The following DACH2 variants were observed in gnomAD, a reference collection of about 807,000 sequenced individuals.
DACH2 encodes the protein dachshund family transcription factor 2.
A neutral mutation model predicts 35.8 loss-of-function variants in DACH2; 17 were observed. That is an observed-to-expected ratio of 0.48 (90% CI 0.33 to 0.71). The LOEUF is 0.71. DACH2 is among the 30% of genes least tolerant of loss of function. The probability of loss-of-function intolerance (pLI) is 0.02; values close to 1 mark genes in which losing one functional copy is unlikely to be tolerated. For missense variants in DACH2, 469 were observed against 472.7 expected (o/e 0.99, Z 0.07); for synonymous variants, 195 against 177.3 (o/e 1.10, Z -0.79).
At chrX:86,795,232 CTTT>C (rs35324617) in intron 7 of DACH2, among the ~76,000 whole-genome samples, 6 of 85,178 alleles carry the variant, frequency 7.0e-5, no homozygotes, top group Admixed American at 1.4e-4. Context: ...GAAGCATGTT[CTTT>C]TTTTTTTTTT....
chrX:86,442,850 A>C (rs1457152553), intron 2 of DACH2, among the ~76,000 whole-genome samples: 4 of 111,793 alleles, frequency 3.6e-5, no homozygotes, highest in Non-Finnish European at 7.5e-5. Context: ...TTTGTGAAGA[A>C]TCAGTAGGTT....
chrX:86,696,718 G>T (rs972479082), intron 5 of DACH2, among the ~76,000 whole-genome samples: 26 of 111,327 alleles, frequency 2.3e-4, no homozygotes, highest in African/African-American at 7.8e-4. Flanking sequence ...GTAATTGCAG[G>T]AGACTCACTG....
At chrX:86,327,367 C>T (rs935785878) in intron 1 of DACH2, among the ~76,000 whole-genome samples, 1 of 112,040 alleles carries the variant, frequency 8.9e-6, no homozygotes, top group African/African-American at 3.2e-5. Context: ...GACACACATA[C>T]ATCATTCTCA....
chrX:86,811,728 CT>C (rs1309038045), intron 7 of DACH2, among the ~76,000 whole-genome samples: 1 of 111,717 alleles, frequency 9.0e-6, no homozygotes, highest in Non-Finnish European at 1.9e-5. Context: ...GTGGCAGTTT[CT>C]TTTTACATAC....
intron 3 of DACH2, among the ~76,000 whole-genome samples, chrX:86,616,880 G>T (rs6524677): frequency 5.5e-4 from 61 of 111,538 alleles, no homozygotes; most frequent in African/African-American, 1.8e-3. Flanking sequence ...TGTCCTCTTC[G>T]GTTTTTATAG....
At chrX:86,281,371 A>T (rs931481196) in intron 1 of DACH2, among the ~76,000 whole-genome samples, 4 of 111,811 alleles carry the variant, frequency 3.6e-5, no homozygotes, top group Admixed American at 2.9e-4. Context: ...AATGTAATCC[A>T]TCACACGAAC....
intron 7 of DACH2, among the ~76,000 whole-genome samples, chrX:86,786,164 G>T (rs966226484): frequency 1.8e-5 from 2 of 111,630 alleles, no homozygotes; most frequent in Non-Finnish European, 3.8e-5. Flanking sequence ...CAGAGTGGAA[G>T]ACAGTCAGAT....
chrX:86,789,655 T>C (rs5923643), intron 7 of DACH2, among the ~76,000 whole-genome samples: 1 of 110,824 alleles, frequency 9.0e-6, no homozygotes. Flanking sequence ...AGCTCTACCT[T>C]GGTTCTAATA....
chrX:86,207,232 C>T (rs1314615842), intron 1 of DACH2, among the ~76,000 whole-genome samples: 1 of 111,477 alleles, frequency 9.0e-6, no homozygotes, highest in Non-Finnish European at 1.9e-5. Context: ...GCCACTCTTC[C>T]GTCTCTGTTG....
chrX:86,712,268 T>C (rs1449735808), intron 5 of DACH2, among the ~76,000 whole-genome samples: 1 of 111,643 alleles, frequency 9.0e-6, no homozygotes, highest in African/African-American at 3.3e-5. Context: ...TTATAAAATA[T>C]CATTATAGCA....
intron 3 of DACH2, among the ~76,000 whole-genome samples, chrX:86,563,300 A>C (rs780341954): frequency 1.8e-5 from 2 of 109,880 alleles, no homozygotes; most frequent in East Asian, 5.8e-4. Context: ...ACCAATGAAG[A>C]CATATCACAG....
chrX:86,518,258 C>T (rs1009461129), intron 3 of DACH2, among the ~76,000 whole-genome samples: 2 of 111,766 alleles, frequency 1.8e-5, no homozygotes, highest in African/African-American at 6.5e-5. Flanking sequence ...GGTCTGTGTG[C>T]CTGTTTTTGT....
At chrX:86,684,662 T>G (rs1398485715) in intron 4 of DACH2, among the ~76,000 whole-genome samples, 3 of 111,020 alleles carry the variant, frequency 2.7e-5, no homozygotes, top group African/African-American at 9.8e-5. Context: ...ATTTTTCATC[T>G]TCTTAGTTGA....
At chrX:86,391,820 C>T (rs2036207556) in intron 2 of DACH2, among the ~76,000 whole-genome samples, 1 of 110,818 alleles carries the variant, frequency 9.0e-6, no homozygotes, top group Non-Finnish European at 1.9e-5. Context: ...ATGGGGTTTA[C>T]CATTAAATGT....
chrX:86,748,514 A>G (rs1383427365), intron 7 of DACH2, among the ~76,000 whole-genome samples: 1 of 111,732 alleles, frequency 8.9e-6, no homozygotes, highest in South Asian at 3.7e-4. Flanking sequence ...GAGCAGTAAT[A>G]TTTTGCAAGG....
At chrX:86,210,673 G>A (rs1243742711) in intron 1 of DACH2, among the ~76,000 whole-genome samples, 1 of 111,704 alleles carries the variant, frequency 9.0e-6, no homozygotes, top group Non-Finnish European at 1.9e-5. Context: ...CTGCAATCCA[G>A]TGTAATAAAC....
intron 1 of DACH2, among the ~76,000 whole-genome samples, chrX:86,237,360 T>C (rs1353278427): frequency 8.9e-6 from 1 of 112,285 alleles, no homozygotes; most frequent in African/African-American, 3.2e-5. Context: ...CTTTATTTTA[T>C]CAAGTACCAT....
intron 2 of DACH2, among the ~76,000 whole-genome samples, chrX:86,466,214 G>A (rs1423911782): frequency 9.0e-6 from 1 of 111,557 alleles, no homozygotes; most frequent in Non-Finnish European, 1.9e-5. Context: ...ATCAGACCTT[G>A]TAAGACTTAT....
At chrX:86,697,408 A>G (rs2077855394) in intron 5 of DACH2, among the ~76,000 whole-genome samples, 1 of 111,019 alleles carries the variant, frequency 9.0e-6, no homozygotes, top group Admixed American at 9.7e-5. Flanking sequence ...ATCAGCATAA[A>G]ACCTATCACC....
Sources: gnomAD v4.1 joint callset for allele counts (sites outside exome capture counted in the v4.1 genomes callset) on GRCh38, gnomAD v4.1.1 for gene constraint, MANE v1.5 for transcripts, NCBI Gene and HGNC (gene_info 2026-07-23, HGNC 2026-07-21) for gene names.